The following ARHGEF28 variants were observed in gnomAD, a reference collection of about 807,000 sequenced individuals.
ARHGEF28 encodes the protein Rho guanine nucleotide exchange factor 28, also known as 190 kDa guanine nucleotide exchange factor.
ARHGEF28 carries 152 observed loss-of-function variants against 206.6 expected under a neutral mutation model. That is an observed-to-expected ratio of 0.74 (90% CI 0.64 to 0.84). The LOEUF is 0.84. Ranked by LOEUF, ARHGEF28 falls within the 40% of genes least tolerant of loss-of-function variation. The pLI, the probability that ARHGEF28 is intolerant of heterozygous loss-of-function variation, is 0.00. For synonymous variants in ARHGEF28, 763 were observed against 776.4 expected, an observed-to-expected ratio of 0.98 and a Z score of 0.29; for missense variants, 2,028 against 2,073.2, an observed-to-expected ratio of 0.98 and a Z score of 0.42.
intron 30 of ARHGEF28, 110 bp from the exon 31 acceptor site, chr5:73,901,074 G>T: frequency 1.3e-6 from 1 of 785,278 alleles, no homozygotes; most frequent in Non-Finnish European, 2.1e-6. Context: ...GTATTATTTT[G>T]TGGTGTTTCC....
At position 73,858,229 on chromosome 5, in the gene ARHGEF28, C is replaced by G. The variant is rs113522430; in HGVS notation, c.2047+10C>G. On this transcript the variant is annotated intron_variant, in intron 16 of 35. Coordinates refer to ENST00000513042, the MANE Select transcript of ARHGEF28 (RefSeq NM_001177693.2). The stretch of plus-strand genomic sequence containing the variant: ...TCACTGCAGTGTTCTAGTAAGTTCT[C>G]AGGTCTATGTGCGCTGTCTTTGTTT... The G allele has an allele frequency of 1.9e-6, 3 of 1,572,416 alleles. No individual in the cohort carries two copies. The highest frequency in any genetic ancestry group is 1.4e-5 in the African/African-American group (1 of 72,896).
chr5:73,647,008 C>T (rs767909770), intron 1 of ARHGEF28, among the ~76,000 whole-genome samples: 2 of 152,130 alleles, frequency 1.3e-5, no homozygotes, highest in African/African-American at 2.4e-5. Flanking sequence ...TTGTGGTGGG[C>T]ATACCCCTTC....
chr5:73,736,674 A>G (rs1750955057), intron 2 of ARHGEF28, among the ~76,000 whole-genome samples: 1 of 152,196 alleles, frequency 6.6e-6, no homozygotes, highest in African/African-American at 2.4e-5. Context: ...GAGAAATTTC[A>G]TATTTAATGT....
intron 33 of ARHGEF28, chr5:73,909,046 T>G: frequency 5.8e-6 from 1 of 171,272 alleles, no homozygotes; most frequent in Non-Finnish European, 1.2e-5. Context: ...AGCAAGAGAG[T>G]GAGATGTAGG....
intron 5 of ARHGEF28, among the ~76,000 whole-genome samples, chr5:73,774,962 T>G (rs1753461130): frequency 6.6e-6 from 1 of 152,210 alleles, no homozygotes; most frequent in Non-Finnish European, 1.5e-5. Context: ...TGTAATTAAT[T>G]TATAGTTATG....
intron 1 of ARHGEF28, among the ~76,000 whole-genome samples, chr5:73,638,261 A>G (rs1483176996): frequency 6.6e-6 from 1 of 152,196 alleles, no homozygotes; most frequent in African/African-American, 2.4e-5. Flanking sequence ...TGATTCCTTT[A>G]TATTCCAGTT....
chr5:73,920,796 A>T (rs996695383), intron 35 of ARHGEF28, among the ~76,000 whole-genome samples: 2 of 152,166 alleles, frequency 1.3e-5, no homozygotes, highest in African/African-American at 4.8e-5. Flanking sequence ...TGCATAGGAG[A>T]TGAGAACTTA....
At chr5:73,675,174 C>A (rs996597018) in intron 1 of ARHGEF28, among the ~76,000 whole-genome samples, 2 of 152,138 alleles carry the variant, frequency 1.3e-5, no homozygotes, top group Non-Finnish European at 2.9e-5. Flanking sequence ...GATGCTATCT[C>A]CAGGTAGTAT....
chr5:73,932,398 T>C (rs1764176156), intron 35 of ARHGEF28, among the ~76,000 whole-genome samples: 2 of 152,072 alleles, frequency 1.3e-5, no homozygotes, highest in African/African-American at 4.8e-5. Context: ...TCATTCTGAG[T>C]GTCATGGTGG....
intron 2 of ARHGEF28, among the ~76,000 whole-genome samples, chr5:73,708,420 A>G (rs1749061942): frequency 6.6e-6 from 1 of 151,964 alleles, no homozygotes; most frequent in Non-Finnish European, 1.5e-5. Flanking sequence ...GTGTTCCAAT[A>G]TTTAGCTCCC....
intron 9 of ARHGEF28, among the ~76,000 whole-genome samples, chr5:73,830,576 A>G (rs971698565): frequency 6.6e-6 from 1 of 151,748 alleles, no homozygotes; most frequent in Admixed American, 6.6e-5. Flanking sequence ...AAAAAAAAAA[A>G]AGAAAATGTT....
intron 35 of ARHGEF28, among the ~76,000 whole-genome samples, chr5:73,915,622 T>C (rs920206769): frequency 6.6e-6 from 1 of 152,186 alleles, no homozygotes; most frequent in Non-Finnish European, 1.5e-5. Context: ...ACAGCATTAC[T>C]CTGAAAGGCA....
rs1210843403 is a variant in ARHGEF28 at position 73,909,834 on chromosome 5, G to A, written c.4584G>A (p.Leu1528=). 11 of 1,540,006 alleles carry A rather than the reference G, an allele frequency of 7.1e-6. No individual in the cohort carries two copies. The highest frequency in any genetic ancestry group is 1.4e-5 in the African/African-American group (1 of 72,624). The change falls in exon 34 of 36, where the codon CTG becomes CTA. Residue 1528 remains leucine (L), a synonymous_variant. Coordinates refer to ENST00000513042, the MANE Select transcript of ARHGEF28 (RefSeq NM_001177693.2). ...GGATGCGGGCCCAGCAGAGCCTGCT[G>A]GGCCACTGGAAGCACGGCCGGCAGA... ...QARMRAQQSL[L]GHWKHGRQRS... is the part of the protein sequence containing the mutation.
chr5:73,883,782 C>A lies in ARHGEF28; in HGVS notation c.2953C>A (p.Leu985Ile). 1.2e-5 allele frequency: 19 copies of A among 1,554,552 alleles called. No homozygotes were observed. Among genetic ancestry groups the A allele is most frequent in the East Asian group, 1.2e-4 (5 of 41,946 alleles). The change falls in exon 24 of 36, where the codon CTT becomes ATT. Residue 985 changes from leucine to isoleucine, a missense_variant. Physicochemically the swap from Leu to Ile is conservative, Grantham distance 5 (BLOSUM62 2). Around this residue, in one of 3 missense-constraint regions of ARHGEF28, gnomAD observed 223 missense variants for 289.9 expected, o/e 0.77. Coordinates refer to ENST00000513042, the MANE Select transcript of ARHGEF28 (RefSeq NM_001177693.2). ...ATTTTTTAAGCTCCGAAATAGTAAT[C>A]TTTTGGCTCGACGCCGAGGAATTCC... ...QNFIKLRNSN[L>I]LARRRGIPEC...
chr5:73,867,674 A>T (rs1759794884), intron 18 of ARHGEF28, among the ~76,000 whole-genome samples: 3 of 152,232 alleles, frequency 2.0e-5, no homozygotes, highest in African/African-American at 7.2e-5. Flanking sequence ...GCAGGCCTGC[A>T]GCATGGGTGT....
chr5:73,926,744 G>C (rs1049175279), intron 35 of ARHGEF28, among the ~76,000 whole-genome samples: 2 of 152,342 alleles, frequency 1.3e-5, no homozygotes, highest in East Asian at 3.9e-4. Context: ...TCTTTGGAGA[G>C]TCTTTGAGAT....
Position 73,883,824 on chromosome 5 carries a change from G to A in ARHGEF28, c.2995G>A (p.Val999Ile), listed in dbSNP as rs575121266. The A allele has an allele frequency of 2.5e-6, 4 of 1,579,282 alleles. No homozygotes were observed. The South Asian group carries it at 3.5e-5, about 14-fold the overall frequency. The change falls in exon 24 of 36, where the codon GTC becomes ATC. Residue 999 changes from valine (V) to isoleucine (I), a missense_variant. Coordinates refer to ENST00000513042, the MANE Select transcript of ARHGEF28 (RefSeq NM_001177693.2). ...AGGAATTCCAGAATGCATTCTGTTG[G>A]TCACTCAGCGTATTACAAAATACCC... is the stretch of plus-strand genomic sequence containing the variant. ...RRGIPECILL[V>I]TQRITKYPVL...
chr5:73,940,721 G>T, intron 35 of ARHGEF28, 123 bp from the exon 36 acceptor site: 1 of 778,508 alleles, frequency 1.3e-6, no homozygotes, highest in Non-Finnish European at 1.8e-6. Context: ...CATTGGGCTT[G>T]GCCATTCTGT....
chr5:73,732,633 A>C (rs940571955), intron 2 of ARHGEF28, among the ~76,000 whole-genome samples: 1 of 152,146 alleles, frequency 6.6e-6, no homozygotes, highest in East Asian at 1.9e-4. Context: ...TATAGCACTT[A>C]TCTGATATTT....
Sources: gnomAD v4.1 joint callset for allele counts (sites outside exome capture counted in the v4.1 genomes callset) on GRCh38, gnomAD v4.1.1 for gene constraint, gnomAD v4.1.1 regional missense constraint, MANE v1.5 for transcripts, NCBI Gene and HGNC (gene_info 2026-07-23, HGNC 2026-07-21) for gene names.